Variants in CRB1 observed in about 807,000 individuals in gnomAD.
The protein encoded by CRB1 is crumbs cell polarity complex component 1.
In CRB1, 83 loss-of-function variants were observed where a neutral mutation model predicts 120.0. The observed-to-expected ratio is 0.69, with a 90% CI of 0.58 to 0.83. CRB1 has a LOEUF of 0.83. CRB1 is among the 40% of genes least tolerant of loss of function. CRB1 has a pLI of 0.00. For missense variants in CRB1, 1,699 were observed against 1,687.6 expected, an observed-to-expected ratio of 1.01 and a Z score of -0.12; for synonymous variants, 625 against 612.5, an observed-to-expected ratio of 1.02 and a Z score of -0.30.
chr1:197,476,749 T>C (rs72740600), intron 11 of CRB1, among the ~76,000 whole-genome samples: 2,762 of 152,272 alleles, frequency 0.018, 49 homozygotes, highest in Non-Finnish European at 0.03. Context: ...GGATGAGTCC[T>C]AGAGAAAGCT....
In CRB1 at chr1:197,355,917, AGCGAGGGCT is replaced by A. The variant is rs566833964; in HGVS notation, c.989-902_989-894del. ...CCAGGCCCAGGAGGCGCCCAGAGCG[AGCGAGGGCT>A]GCGAGGGCTGCCAGCACACTGTCAC... is the stretch of plus-strand genomic sequence containing the variant. On this transcript the variant is annotated intron_variant, in intron 4 of 11. Coordinates refer to ENST00000367400, the MANE Select transcript of CRB1 (RefSeq NM_201253.3). Among the ~76,000 whole-genome samples, 20 of 152,344 alleles carry A rather than the reference AGCGAGGGCT, an allele frequency of 1.3e-4. No individual in the cohort carries two copies. The East Asian group carries it at 3.3e-3, about 25-fold the overall frequency.
intron 1 of CRB1, among the ~76,000 whole-genome samples, chr1:197,306,208 T>C (rs982681165): frequency 2.0e-5 from 3 of 152,050 alleles, no homozygotes; most frequent in African/African-American, 7.2e-5. Flanking sequence ...ACAGAGAGAT[T>C]CAAATTGCTA....
At chr1:197,238,707 G>A in the CRB1 span, among the ~76,000 whole-genome samples, 7 of 152,036 alleles carry the variant, frequency 4.6e-5, no homozygotes, top group African/African-American at 1.7e-4. Flanking sequence ...TAGCCAGCAT[G>A]GTGGAGCATG....
the CRB1 span, among the ~76,000 whole-genome samples, chr1:197,232,142 C>A: frequency 6.6e-6 from 1 of 152,088 alleles, no homozygotes; most frequent in East Asian, 1.9e-4. Context: ...AGGCAGCCTG[C>A]AGAAGCCAGA....
Position 197,421,683 on chromosome 1 carries a change from G to C in CRB1, c.1855G>C (p.Gly619Arg), listed in dbSNP as rs1664333100. Residue 619 changes from glycine to arginine, a missense_variant, in exon 6 of 12, where the codon GGA becomes CGA. Physicochemically the swap from Gly to Arg is moderately radical, Grantham distance 125 (BLOSUM62 -2). Coordinates refer to ENST00000367400, the MANE Select transcript of CRB1 (RefSeq NM_201253.3). ...QNSFLGGLPV[G>R]MTSNGVALLN... ...CTCCTTTTTGGGTGGTTTACCAGTG[G>C]GAATGACCAGCAATGGTGTTGCTCT... 1.2e-6 allele frequency: 2 copies of C among 1,614,002 alleles called. No individual in the cohort carries two copies. Among genetic ancestry groups the C allele is most frequent in the African/African-American group, 2.7e-5 (2 of 74,908 alleles).
At chr1:197,355,875 G>A (rs903970501) in intron 4 of CRB1, among the ~76,000 whole-genome samples, 8 of 152,232 alleles carry the variant, frequency 5.3e-5, no homozygotes, top group South Asian at 2.1e-4. Context: ...CTCCTCAAGC[G>A]TGGCCAGAGT....
chr1:197,346,806 A>G (rs2125332272), intron 3 of CRB1, among the ~76,000 whole-genome samples: 1 of 152,356 alleles, frequency 6.6e-6, no homozygotes, highest in East Asian at 1.9e-4. Flanking sequence ...TAAAAATAAG[A>G]GAACATCGTA....
intron 5 of CRB1, among the ~76,000 whole-genome samples, chr1:197,404,680 T>G (rs1216254519): frequency 6.6e-6 from 1 of 152,204 alleles, no homozygotes; most frequent in Non-Finnish European, 1.5e-5. Flanking sequence ...ATATTGACAG[T>G]AACTGTTAAA....
the CRB1 span, among the ~76,000 whole-genome samples, chr1:197,254,910 G>T: frequency 3.3e-5 from 5 of 152,140 alleles, no homozygotes; most frequent in African/African-American, 1.2e-4. Context: ...ATTTTGTGAT[G>T]GATCTTATCT....
At chr1:197,375,855 T>C (rs1033441027) in intron 5 of CRB1, among the ~76,000 whole-genome samples, 3 of 152,330 alleles carry the variant, frequency 2.0e-5, no homozygotes, top group African/African-American at 7.2e-5. Context: ...TATCCTCTTC[T>C]GTATTCCACC....
At chr1:197,271,159 A>C (rs1654886443) in intron 1 of CRB1, among the ~76,000 whole-genome samples, 1 of 152,076 alleles carries the variant, frequency 6.6e-6, no homozygotes, top group African/African-American at 2.4e-5. Context: ...TGATCCTGCC[A>C]CTGCACTCCA....
At chr1:197,275,462 A>G (rs1655151409) in intron 1 of CRB1, among the ~76,000 whole-genome samples, 2 of 152,050 alleles carry the variant, frequency 1.3e-5, no homozygotes, top group Admixed American at 1.3e-4. Flanking sequence ...AAGAGACATT[A>G]TATCGATATC....
At chr1:197,461,003 G>A (rs2359119) in intron 11 of CRB1, among the ~76,000 whole-genome samples, 141,756 of 152,170 alleles carry the variant, frequency 0.93, 66,919 homozygotes, top group East Asian at 1. Flanking sequence ...GAATCTATTT[G>A]TTTTTACCAT....
At chr1:197,456,522 G>T (rs183491463) in intron 11 of CRB1, among the ~76,000 whole-genome samples, 1 of 152,218 alleles carries the variant, frequency 6.6e-6, no homozygotes, top group Admixed American at 6.5e-5. Flanking sequence ...AAAAAGGCAA[G>T]GCTTGACCAT....
chr1:197,405,855 G>A (rs1663352482), intron 5 of CRB1, among the ~76,000 whole-genome samples: 1 of 152,080 alleles, frequency 6.6e-6, no homozygotes. Context: ...CACCCCGTCT[G>A]GGAAGTGAGG....
At chr1:197,438,716 A>G in intron 10 of CRB1, 41 bp downstream of exon 10, 1 of 1,607,606 alleles carries the variant, frequency 6.2e-7, no homozygotes, top group Non-Finnish European at 8.5e-7. Context: ...ATTCTGAGCT[A>G]AAGAATGATG....
chr1:197,211,305 C>T, the CRB1 span, among the ~76,000 whole-genome samples: 9 of 152,240 alleles, frequency 5.9e-5, no homozygotes, highest in East Asian at 1.9e-4. Flanking sequence ...AACAGACTTC[C>T]GAGAAATTAA....
intron 8 of CRB1, among the ~76,000 whole-genome samples, chr1:197,430,192 A>C (rs1165230899): frequency 6.6e-6 from 1 of 152,192 alleles, no homozygotes; most frequent in Non-Finnish European, 1.5e-5. Flanking sequence ...AAATGTTAGC[A>C]ATTTGAATAC....
At position 197,445,646 on chromosome 1, in the gene CRB1, T is replaced by G. The variant is rs16841531; in HGVS notation, c.4005+3354T>G. ...AGCTTTAATTTTGCAATATTAAAAT[T>G]AAACTTCTTCTGCAAATGGTGCTGC... On this transcript the variant is annotated intron_variant, in intron 11 of 11. Coordinates refer to ENST00000367400, the MANE Select transcript of CRB1 (RefSeq NM_201253.3). Among the ~76,000 whole-genome samples the G allele has an allele frequency of 7.9e-3, 1,199 of 152,346 alleles. 16 individuals carry two copies. The highest frequency in any genetic ancestry group is 0.025 in the African/African-American group (1,027 of 41,580).
Sources: allele counts gnomAD v4.1 joint callset (sites outside exome capture counted in the v4.1 genomes callset), GRCh38; gene constraint gnomAD v4.1.1; transcripts MANE v1.5; gene names NCBI Gene and HGNC (gene_info 2026-07-23, HGNC 2026-07-21).